NALCN: variants seen among roughly 807,000 people sequenced by gnomAD.
NALCN encodes the protein sodium leak channel, non-selective, also known as sodium leak channel NALCN.
In NALCN, 111 loss-of-function variants were observed where a neutral mutation model predicts 225.3. The ratio of observed to expected loss-of-function variants is 0.49; its 90% confidence interval spans 0.42 to 0.58. NALCN has a LOEUF of 0.58. NALCN is among the 20% of genes least tolerant of loss of function. The pLI is 0.00. For missense variants in NALCN, 1,378 were observed against 2,202.4 expected, an observed-to-expected ratio of 0.63 and a Z score of 7.49; for synonymous variants, 764 against 769.0, an observed-to-expected ratio of 0.99 and a Z score of 0.11.
chr13:101,171,158 T>A (rs1010898271), intron 15 of NALCN, among the ~76,000 whole-genome samples: 1 of 151,792 alleles, frequency 6.6e-6, no homozygotes, highest in Non-Finnish European at 1.5e-5. Context: ...TTTTTAAATG[T>A]CATGCAGAAA....
At chr13:101,091,751 G>C (rs368327252) in intron 28 of NALCN, among the ~76,000 whole-genome samples, 5 of 152,164 alleles carry the variant, frequency 3.3e-5, no homozygotes, top group South Asian at 4.2e-4. Flanking sequence ...TCTCAGAGCC[G>C]GTGTTGGACT....
chr13:101,171,256 T>C (rs981198646), intron 15 of NALCN, among the ~76,000 whole-genome samples: 4 of 137,038 alleles, frequency 2.9e-5, no homozygotes, highest in East Asian at 1.9e-4. Context: ...ACATTATGTA[T>C]AATTTATGTC....
chr13:101,255,876 C>T (rs557471102), intron 11 of NALCN, among the ~76,000 whole-genome samples: 18 of 152,174 alleles, frequency 1.2e-4, no homozygotes, highest in Non-Finnish European at 1.9e-4. Context: ...CTCCTTGATA[C>T]TCCTTTGCAA....
At chr13:101,391,241 T>C (rs565660959) in intron 3 of NALCN, among the ~76,000 whole-genome samples, 1 of 151,582 alleles carries the variant, frequency 6.6e-6, no homozygotes, top group South Asian at 2.1e-4. Context: ...AACAAAAAAA[T>C]ACAAAATTAG....
intron 13 of NALCN, among the ~76,000 whole-genome samples, chr13:101,210,583 T>C (rs2040486941): frequency 6.6e-6 from 1 of 152,212 alleles, no homozygotes; most frequent in Non-Finnish European, 1.5e-5. Context: ...AATAATCTCC[T>C]AAACTGGAAT....
intron 13 of NALCN, among the ~76,000 whole-genome samples, chr13:101,193,102 C>CTT (rs5806199): frequency 0.012 from 1,659 of 142,304 alleles, 27 homozygotes; most frequent in African/African-American, 0.033. Flanking sequence ...CTGATTCCTT[C>CTT]TTTTTTTTTT....
chr13:101,261,574 T>C lies in NALCN; in HGVS notation c.1135-3000A>G, dbSNP rs572202617. On this transcript the variant is annotated intron_variant, in intron 10 of 43. Transcript: ENST00000251127. ...TTATGGAGATCCTTCAATTTTTTGG[T>C]TAATTGCAAGGAATTTTATTTTATT... 3.9e-5 allele frequency among the ~76,000 whole-genome samples: 6 copies of C among 152,330 alleles called. No homozygotes were observed. In the South Asian group the frequency reaches 6.2e-4, roughly 16 times the overall value.
chr13:101,232,053 T>A (rs2041369398), intron 12 of NALCN, among the ~76,000 whole-genome samples: 2 of 151,582 alleles, frequency 1.3e-5, no homozygotes, highest in Admixed American at 1.3e-4. Flanking sequence ...ACACAAACTC[T>A]TACAGAGCTC....
At chr13:101,229,121 C>T (rs2041252705) in intron 13 of NALCN, among the ~76,000 whole-genome samples, 1 of 152,040 alleles carries the variant, frequency 6.6e-6, no homozygotes, top group Non-Finnish European at 1.5e-5. Context: ...TTTATAGGTG[C>T]TAAGAACCCT....
At chr13:101,360,324 C>G (rs1460807375) in intron 6 of NALCN, among the ~76,000 whole-genome samples, 2 of 151,516 alleles carry the variant, frequency 1.3e-5, no homozygotes, top group Non-Finnish European at 2.9e-5. Context: ...TCCCTCACCT[C>G]CCGGCTCCAA....
rs2030920471 is a variant in NALCN at position 101,054,210 on chromosome 13, T to C, written c.*1085A>G. 1 of 152,106 alleles carries C rather than the reference T, an allele frequency of 6.6e-6. No individual in the cohort carries two copies. The highest frequency in any genetic ancestry group is 1.5e-5 in the Non-Finnish European group (1 of 67,998). 9.4% of individuals were successfully genotyped at this position (152,106 alleles called of 1,614,324 possible). ...TCCCGGAGGACATGGGCCATTGACA[T>C]ATAAGGAAAAAAAACAAAAACAAAA... On this transcript the variant is annotated 3_prime_UTR_variant, in exon 44 of 44. Coordinates refer to ENST00000251127, the MANE Select transcript of NALCN (RefSeq NM_052867.4).
intron 11 of NALCN, among the ~76,000 whole-genome samples, chr13:101,245,666 G>A (rs1282264591): frequency 6.6e-6 from 1 of 152,102 alleles, no homozygotes; most frequent in East Asian, 1.9e-4. Flanking sequence ...TCGCCATAAT[G>A]AGGCAGGAGA....
At chr13:101,390,329 T>C (rs1243995144) in intron 3 of NALCN, among the ~76,000 whole-genome samples, 1 of 151,562 alleles carries the variant, frequency 6.6e-6, no homozygotes, top group African/African-American at 2.4e-5. Flanking sequence ...GAAAAAAGTA[T>C]TTGAGAAAGA....
At chr13:101,166,029 T>G (rs1290632940) in intron 15 of NALCN, among the ~76,000 whole-genome samples, 2 of 152,240 alleles carry the variant, frequency 1.3e-5, no homozygotes, top group Non-Finnish European at 2.9e-5. Context: ...CTTATTTCAC[T>G]TAGCATGATG....
intron 13 of NALCN, among the ~76,000 whole-genome samples, chr13:101,207,811 C>G (rs868096605): frequency 6.6e-6 from 1 of 152,208 alleles, no homozygotes. Context: ...TGCTTGGGTC[C>G]CCTTCCGTGC....
intron 15 of NALCN, 139 bp from the exon 16 acceptor site, chr13:101,145,035 T>G: frequency 1.2e-6 from 1 of 851,160 alleles, no homozygotes; most frequent in Non-Finnish European, 1.6e-6. Context: ...CTACCAAGTA[T>G]ACCTCTCTTG....
chr13:101,339,831 A>G (rs2139275269), intron 7 of NALCN, among the ~76,000 whole-genome samples: 1 of 152,392 alleles, frequency 6.6e-6, no homozygotes, highest in Non-Finnish European at 1.5e-5. Context: ...CACAGAAGTC[A>G]GGACATTTGT....
intron 15 of NALCN, among the ~76,000 whole-genome samples, chr13:101,151,439 G>A (rs1301073601): frequency 1.3e-5 from 2 of 152,272 alleles, no homozygotes; most frequent in Non-Finnish European, 2.9e-5. Context: ...AAAACATTCA[G>A]ACTTGGGAGA....
At chr13:101,321,775 T>C (rs2044753647) in intron 7 of NALCN, among the ~76,000 whole-genome samples, 1 of 152,106 alleles carries the variant, frequency 6.6e-6, no homozygotes, top group Non-Finnish European at 1.5e-5. Context: ...TGTAAACATA[T>C]GTATATACCC....
Sources: allele counts gnomAD v4.1 joint callset (sites outside exome capture counted in the v4.1 genomes callset), GRCh38; gene constraint gnomAD v4.1.1; transcripts MANE v1.5; gene names NCBI Gene and HGNC (gene_info 2026-07-23, HGNC 2026-07-21).